UNC5D: variants seen among roughly 807,000 people sequenced by gnomAD.
UNC5D encodes netrin receptor UNC5D.
A neutral mutation model predicts 105.4 loss-of-function variants in UNC5D; 39 were observed. That is an observed-to-expected ratio of 0.37 (90% CI 0.29 to 0.48). UNC5D has a LOEUF of 0.48. Ranked by LOEUF, UNC5D falls within the 20% of genes least tolerant of loss-of-function variation. The pLI is 0.98. For synonymous variants in UNC5D, 452 were observed against 450.4 expected (o/e 1.00, Z -0.04); for missense variants, 991 against 1,202.4 (o/e 0.82, Z 2.60).
At chr8:35,308,084 T>C in intron 1 of UNC5D, among the ~76,000 whole-genome samples, 1 of 151,644 alleles carries the variant, frequency 6.6e-6, no homozygotes, top group East Asian at 1.9e-4. Context: ...CAAAAGAGAT[T>C]CCTATTTTAA....
chr8:35,316,726 A>T (rs2141432), intron 1 of UNC5D, among the ~76,000 whole-genome samples: 124,734 of 152,058 alleles, frequency 0.82, 51,612 homozygotes, highest in East Asian at 1. Context: ...TTATTTAGGC[A>T]AAATTTTTAT....
intron 14 of UNC5D, among the ~76,000 whole-genome samples, chr8:35,761,840 A>G (rs2131688886): frequency 6.6e-6 from 1 of 152,220 alleles, no homozygotes; most frequent in East Asian, 1.9e-4. Flanking sequence ...CATTAGATGT[A>G]AGCACTTAGG....
At chr8:35,764,199 G>A (rs1022766874) in intron 14 of UNC5D, among the ~76,000 whole-genome samples, 1 of 152,172 alleles carries the variant, frequency 6.6e-6, no homozygotes, top group Non-Finnish European at 1.5e-5. Flanking sequence ...AGAGATGATG[G>A]CAATCAGTTT....
chr8:35,683,714 T>C lies in UNC5D; in HGVS notation c.738T>C (p.Thr246=). Residue 246 remains threonine, a synonymous_variant, in exon 5 of 17, where the codon ACT becomes ACC. Transcript: ENST00000404895. ...IVAKRRSLSA[T]VVVYVNGGWS... ...CTAAGAGGAGAAGCCTGTCGGCCACTGTTGTGGTCTACGGTAAGACCATTC... is the reference window on the plus strand; with the variant it reads ...CTAAGAGGAGAAGCCTGTCGGCCACCGTTGTGGTCTACGGTAAGACCATTC... The C allele has an allele frequency of 6.5e-7, 1 of 1,547,598 alleles. No individual in the cohort carries two copies. The highest frequency in any genetic ancestry group is 8.6e-7 in the Non-Finnish European group (1 of 1,156,080).
chr8:35,238,215 GT>G (rs1006187002), intron 1 of UNC5D, among the ~76,000 whole-genome samples: 1 of 152,014 alleles, frequency 6.6e-6, no homozygotes, highest in East Asian at 1.9e-4. Context: ...TCATTTATCT[GT>G]TTCCAAAATG....
At chr8:35,667,432 A>C (rs1322820568) in intron 4 of UNC5D, among the ~76,000 whole-genome samples, 1 of 152,196 alleles carries the variant, frequency 6.6e-6, no homozygotes, top group Non-Finnish European at 1.5e-5. Flanking sequence ...ATCTCAATAC[A>C]GGAAACTGAC....
chr8:35,572,847 A>G (rs1817833031), intron 3 of UNC5D, among the ~76,000 whole-genome samples: 1 of 139,980 alleles, frequency 7.1e-6, no homozygotes. Context: ...TCTGTCGCCC[A>G]GGCTGGAGTG....
intron 1 of UNC5D, among the ~76,000 whole-genome samples, chr8:35,344,849 C>G (rs1345688638): frequency 1.3e-5 from 2 of 151,918 alleles, no homozygotes; most frequent in Non-Finnish European, 2.9e-5. Context: ...TACAAAATTC[C>G]TTTAAGAAGC....
At chr8:35,641,088 A>ATAGAGACAT (rs1209789052) in intron 4 of UNC5D, among the ~76,000 whole-genome samples, 2 of 152,056 alleles carry the variant, frequency 1.3e-5, no homozygotes, top group Non-Finnish European at 2.9e-5. Context: ...AAGTTGTTTA[A>ATAGAGACAT]TAGAGACATT....
intron 16 of UNC5D, among the ~76,000 whole-genome samples, chr8:35,781,665 C>T (rs956390134): frequency 1.3e-5 from 2 of 152,156 alleles, no homozygotes; most frequent in South Asian, 4.1e-4. Flanking sequence ...TATTAGTGTC[C>T]TTCAAGTGAT....
intron 4 of UNC5D, among the ~76,000 whole-genome samples, chr8:35,678,275 A>T (rs1344601794): frequency 2.0e-5 from 3 of 152,192 alleles, no homozygotes; most frequent in Non-Finnish European, 4.4e-5. Flanking sequence ...GGTCCCTCAC[A>T]TCTGCAGTTG....
chr8:35,481,891 C>T (rs1399833589), intron 1 of UNC5D, among the ~76,000 whole-genome samples: 3 of 152,056 alleles, frequency 2.0e-5, no homozygotes, highest in Non-Finnish European at 4.4e-5. Context: ...CTCCAACACC[C>T]TCTGCTTTTC....
In UNC5D at chr8:35,759,514, C is replaced by A. The variant is rs144176178; in HGVS notation, c.2313+45C>A. 2.5e-6 allele frequency: 4 copies of A among 1,586,116 alleles called. No homozygotes were observed. In the African/African-American group the frequency reaches 4.1e-5, roughly 16 times the overall value. On this transcript the variant is annotated intron_variant, in intron 14 of 16. Coordinates refer to ENST00000404895, the MANE Select transcript of UNC5D (RefSeq NM_080872.4). The stretch of plus-strand genomic sequence containing the variant: ...CTAACAGAAACGGCTTTGCTTTAAC[C>A]GGCAAGCATGTCACAGATCCTGGCA...
intron 3 of UNC5D, among the ~76,000 whole-genome samples, chr8:35,588,830 C>A (rs1391277057): frequency 6.6e-6 from 1 of 152,250 alleles, no homozygotes; most frequent in South Asian, 2.1e-4. Context: ...CACATGAGGT[C>A]AGGAGTTCAA....
intron 1 of UNC5D, among the ~76,000 whole-genome samples, chr8:35,365,714 G>A (rs144147063): frequency 8.5e-4 from 129 of 152,068 alleles, no homozygotes; most frequent in Non-Finnish European, 1.6e-3. Context: ...CAGGTACCAG[G>A]GGAAATGGGG....
rs948785076 is a variant in UNC5D, at chr8:35,726,211, A to G, written c.1363A>G (p.Ser455Gly). Residue 455 changes from serine to glycine, a missense_variant, in exon 10 of 17, where the codon AGC becomes GGC. Physicochemically the swap from Ser to Gly is moderately conservative, Grantham distance 56 (BLOSUM62 0). Around this residue, in one of 3 missense-constraint regions of UNC5D, gnomAD observed 944 missense variants for 1,131.6 expected, o/e 0.83. Transcript: ENST00000404895. ...QPDLTVSRTY[S>G]GPICLQDPLD... is the part of the protein sequence containing the mutation. Reference sequence around the variant, plus strand: ...AGATCTGACAGTGAGCCGGACATACAGCGGACCCATCTGTCTGCAGGACCC... The same window carrying G: ...AGATCTGACAGTGAGCCGGACATACGGCGGACCCATCTGTCTGCAGGACCC... The G allele has an allele frequency of 1.2e-6, 2 of 1,614,162 alleles. No individual in the cohort carries two copies.
chr8:35,484,388 A>C (rs968518887), intron 1 of UNC5D, among the ~76,000 whole-genome samples: 1 of 152,106 alleles, frequency 6.6e-6, no homozygotes, highest in Non-Finnish European at 1.5e-5. Flanking sequence ...TGCTCACCCC[A>C]CACCAATCTA....
intron 4 of UNC5D, among the ~76,000 whole-genome samples, chr8:35,600,186 T>C (rs1264191435): frequency 6.6e-6 from 1 of 152,212 alleles, no homozygotes; most frequent in African/African-American, 2.4e-5. Flanking sequence ...CCACATTTTC[T>C]TAATCTAGTT....
intron 1 of UNC5D, among the ~76,000 whole-genome samples, chr8:35,472,861 T>C (rs1172254048): frequency 6.6e-6 from 1 of 152,094 alleles, no homozygotes; most frequent in Non-Finnish European, 1.5e-5. Flanking sequence ...GAAAGAATGA[T>C]AGATGGAAAA....
Sources: allele counts gnomAD v4.1 joint callset (sites outside exome capture counted in the v4.1 genomes callset), GRCh38; gene constraint gnomAD v4.1.1; regional missense constraint gnomAD v4.1.1; transcripts MANE v1.5; gene names NCBI Gene and HGNC (gene_info 2026-07-23, HGNC 2026-07-21).